The following DCUN1D3 variants were observed in gnomAD, a reference collection of about 807,000 sequenced individuals.
DCUN1D3 encodes the protein defective in cullin neddylation 1 domain containing 3.
A neutral mutation model predicts 24.8 loss-of-function variants in DCUN1D3; 6 were observed. The ratio of observed to expected loss-of-function variants is 0.24; its 90% CI spans 0.13 to 0.48. DCUN1D3 has a LOEUF of 0.48. Among genes scored for constraint, DCUN1D3 ranks in the 20% least tolerant of loss-of-function variants. DCUN1D3 has a pLI of 0.99. For missense variants in DCUN1D3, 258 were observed against 379.4 expected, an observed-to-expected ratio of 0.68 and a Z score of 2.66; for synonymous variants, 120 against 144.9, an observed-to-expected ratio of 0.83 and a Z score of 1.24.
intron 1 of DCUN1D3, among the ~76,000 whole-genome samples, chr16:20,868,137 C>T (rs1035143732): frequency 7.9e-5 from 12 of 152,230 alleles, no homozygotes; most frequent in Non-Finnish European, 1.6e-4. Context: ...TTTAATGGAA[C>T]TGCCTTCCCA....
chr16:20,895,291 T>C (rs2081910501), intron 1 of DCUN1D3, among the ~76,000 whole-genome samples: 1 of 152,004 alleles, frequency 6.6e-6, no homozygotes. Context: ...AGACAGGGCC[T>C]GACTATCTTG....
At position 20,859,570 on chromosome 16, in the gene DCUN1D3, C is replaced by CAAA; in HGVS notation, c.*313_*315dup. On this transcript the variant is annotated 3_prime_UTR_variant, in exon 3 of 3. Coordinates refer to ENST00000324344, the MANE Select transcript of DCUN1D3 (RefSeq NM_173475.4). Reference sequence around the variant, plus strand: ...AAAAAAAAAAAAAAACAAAAAAAAACAAAAAAAAAACCTAAATTTGTGCAA... The same window carrying CAAA: ...AAAAAAAAAAAAAAACAAAAAAAAACAAAAAAAAAAAAACCTAAATTTGTGCAA... 1 of 82,912 alleles carries CAAA rather than the reference C, an allele frequency of 1.2e-5. No homozygotes were observed. The highest frequency in any genetic ancestry group is 2.6e-5 in the Non-Finnish European group (1 of 38,672). 5.1% of individuals were successfully genotyped at this position (82,912 alleles called of 1,614,324 possible).
intron 1 of DCUN1D3, among the ~76,000 whole-genome samples, chr16:20,895,495 G>A (rs1001755098): frequency 4.6e-5 from 7 of 152,120 alleles, no homozygotes; most frequent in African/African-American, 4.8e-5. Flanking sequence ...GTGCATCACC[G>A]CCACTCCCTG....
chr16:20,892,141 C>T (rs1320060650), intron 1 of DCUN1D3, among the ~76,000 whole-genome samples: 1 of 152,132 alleles, frequency 6.6e-6, no homozygotes, highest in Non-Finnish European at 1.5e-5. Flanking sequence ...AAGCAGAATG[C>T]TCCTCACCGT....
intron 1 of DCUN1D3, among the ~76,000 whole-genome samples, chr16:20,875,352 C>A (rs781417964): frequency 6.6e-6 from 1 of 152,162 alleles, no homozygotes; most frequent in Non-Finnish European, 1.5e-5. Context: ...ACATTCAATT[C>A]TCTCACTCAA....
intron 1 of DCUN1D3, among the ~76,000 whole-genome samples, chr16:20,888,276 T>A (rs1238496787): frequency 6.6e-6 from 1 of 152,174 alleles, no homozygotes; most frequent in Non-Finnish European, 1.5e-5. Flanking sequence ...CCTTCGAATG[T>A]ACTATCTTAT....
rs2081724405 is a variant in DCUN1D3, at chr16:20,860,182, C to T, written c.619G>A (p.Ala207Thr). 1 of 1,614,114 alleles carries T rather than the reference C, an allele frequency of 6.2e-7. No homozygotes were observed. Among genetic ancestry groups the T allele is most frequent in the South Asian group, 1.1e-5 (1 of 91,090 alleles). Residue 207 changes from alanine (A) to threonine (T), a missense_variant, in exon 3 of 3, where the codon GCC (alanine) becomes ACC (threonine). Coordinates refer to ENST00000324344, the MANE Select transcript of DCUN1D3 (RefSeq NM_173475.4). The surrounding 1 kb of genome is among the most constrained non-coding windows in gnomAD (Gnocchi z 4.3). Reference protein sequence around the residue: ...QRSLHREIAIALWKLVFTQNN... With the variant: ...QRSLHREIAITLWKLVFTQNN... Reference sequence around the variant, plus strand: ...TGGGTAAAGACTAGTTTCCACAGGGCAATGGCTATTTCCCGATGCAGTGAC... The same window carrying T: ...TGGGTAAAGACTAGTTTCCACAGGGTAATGGCTATTTCCCGATGCAGTGAC...
In DCUN1D3 at chr16:20,856,710, T is replaced by TAAA. The variant is rs1161190032; in HGVS notation, c.*3175_*3176insTTT. The TAAA allele has an allele frequency of 6.6e-6, 1 of 152,156 alleles. No individual in the cohort carries two copies. The highest frequency in any genetic ancestry group is 1.5e-5 in the Non-Finnish European group (1 of 68,042). The allele number at this position is 152,156 out of a possible 1,614,324, so 9.4% of individuals were successfully genotyped here. On this transcript the variant is annotated 3_prime_UTR_variant, in exon 3 of 3. Coordinates refer to ENST00000324344, the MANE Select transcript of DCUN1D3 (RefSeq NM_173475.4). The stretch of plus-strand genomic sequence containing the variant: ...TTACAGGAGGTGGGGTTAAGAACGA[T>TAAA]ACATTGAGATTTGGCAAAGATGGGG...
In DCUN1D3 at chr16:20,856,864, G is replaced by C. The variant is rs536993574; in HGVS notation, c.*3022C>G. The C allele has an allele frequency of 6.6e-6, 1 of 152,330 alleles. No homozygotes were observed. The highest frequency in any genetic ancestry group is 2.1e-4 in the South Asian group (1 of 4,824). The allele number at this position is 152,330 out of a possible 1,614,324, so 9.4% of individuals were successfully genotyped here. On this transcript the variant is annotated 3_prime_UTR_variant, in exon 3 of 3. Coordinates refer to ENST00000324344, the MANE Select transcript of DCUN1D3 (RefSeq NM_173475.4). ...TTATTTCTTATTTCCCAACACACTT[G>C]TTTGTTGTTGCCCTCAGATGTTGCC...
At chr16:20,881,482 C>T (rs1202912233) in intron 1 of DCUN1D3, among the ~76,000 whole-genome samples, 1 of 151,958 alleles carries the variant, frequency 6.6e-6, no homozygotes, top group Admixed American at 6.6e-5. Context: ...TCTTTTTTTC[C>T]CATTTTGTTT....
intron 1 of DCUN1D3, among the ~76,000 whole-genome samples, chr16:20,880,036 G>A (rs566620852): frequency 1.1e-3 from 175 of 152,260 alleles, no homozygotes; most frequent in African/African-American, 3.9e-3. Flanking sequence ...AAAATGTTCC[G>A]TAATTTCTCC....
At chr16:20,884,543 G>A (rs373542630) in intron 1 of DCUN1D3, among the ~76,000 whole-genome samples, 57 of 152,304 alleles carry the variant, frequency 3.7e-4, no homozygotes, top group African/African-American at 1.3e-3. Flanking sequence ...TATCCAAGGA[G>A]TTGCTTGGTT....
chr16:20,871,371 G>C (rs1005495353), intron 1 of DCUN1D3, among the ~76,000 whole-genome samples: 1 of 152,184 alleles, frequency 6.6e-6, no homozygotes, highest in African/African-American at 2.4e-5. Flanking sequence ...GAGGAAGGAA[G>C]GGAGAAAGGG....
rs891431427 is a variant in DCUN1D3, at chr16:20,856,673, T to C, written c.*3213A>G. 2.6e-5 allele frequency: 4 copies of C among 152,136 alleles called. No homozygotes were observed. The highest frequency in any genetic ancestry group is 6.5e-5 in the Admixed American group (1 of 15,270). The allele number at this position is 152,136 out of a possible 1,614,324, so 9.4% of individuals were successfully genotyped here. On this transcript the variant is annotated 3_prime_UTR_variant, in exon 3 of 3. Transcript: ENST00000324344. Reference sequence around the variant, plus strand: ...GCTGCTGAGACAACCAGCTGAAGCATAGCAAAGCCCCTTACAGGAGGTGGG... The same window carrying C: ...GCTGCTGAGACAACCAGCTGAAGCACAGCAAAGCCCCTTACAGGAGGTGGG...
chr16:20,862,656 TAGAA>T lies in DCUN1D3; in HGVS notation c.-105-17_-105-14del. ...GGAGCCAGCCAACCTGGAAGGAAATTAGAAAGCCATCACCTCTGGGTGGGGGAAA... is the reference window on the plus strand; with the variant it reads ...GGAGCCAGCCAACCTGGAAGGAAATTAGCCATCACCTCTGGGTGGGGGAAA... On this transcript the variant is annotated splice_polypyrimidine_tract_variant and intron_variant, in intron 1 of 2. Transcript: ENST00000324344. 6.6e-7 allele frequency: 1 copy of T among 1,514,002 alleles called. No homozygotes were observed. The highest frequency in any genetic ancestry group is 1.3e-5 in the South Asian group (1 of 75,068). 93.8% of individuals were successfully genotyped at this position (1,514,002 alleles called of 1,614,324 possible).
chr16:20,894,756 C>A (rs78926116), intron 1 of DCUN1D3, among the ~76,000 whole-genome samples: 6 of 152,204 alleles, frequency 3.9e-5, no homozygotes, highest in African/African-American at 1.4e-4. Context: ...GAGCTAATCA[C>A]CACCTCAAGA....
intron 1 of DCUN1D3, among the ~76,000 whole-genome samples, chr16:20,867,726 T>C (rs1035495762): frequency 6.6e-6 from 1 of 152,242 alleles, no homozygotes; most frequent in Admixed American, 6.5e-5. Context: ...GTTAGCCTGT[T>C]GGAAGCCCCA....
intron 1 of DCUN1D3, among the ~76,000 whole-genome samples, chr16:20,874,385 G>A (rs972832981): frequency 2.6e-5 from 4 of 152,156 alleles, no homozygotes; most frequent in African/African-American, 7.2e-5. Flanking sequence ...TTTTTACACC[G>A]TTAGACCTCC....
chr16:20,885,887 C>T (rs1230060056), intron 1 of DCUN1D3, among the ~76,000 whole-genome samples: 1 of 152,158 alleles, frequency 6.6e-6, no homozygotes, highest in Non-Finnish European at 1.5e-5. Context: ...CATGCACTGG[C>T]TTGGGTTCAA....
Sources: allele counts gnomAD v4.1 joint callset (sites outside exome capture counted in the v4.1 genomes callset), GRCh38; gene constraint gnomAD v4.1.1; non-coding constraint Gnocchi (gnomAD v3.1); transcripts MANE v1.5; gene names NCBI Gene and HGNC (gene_info 2026-07-23, HGNC 2026-07-21).